ANKRD28: variants seen among roughly 807,000 people sequenced by gnomAD.
ANKRD28 encodes the protein ankyrin repeat domain 28, also known as serine/threonine-protein phosphatase 6 regulatory ankyrin repeat subunit A.
In ANKRD28, 44 loss-of-function variants were observed where a neutral mutation model predicts 126.5. The ratio of observed to expected loss-of-function variants is 0.35; its 90% CI spans 0.27 to 0.45. The LOEUF (loss-of-function observed/expected upper bound fraction) is 0.45. Ranked by LOEUF, ANKRD28 falls within the 20% of genes least tolerant of loss-of-function variation. The pLI is 1.00. For missense variants in ANKRD28, 1,110 were observed against 1,316.6 expected (o/e 0.84, Z 2.43); for synonymous variants, 442 against 468.5 (o/e 0.94, Z 0.73).
intron 4 of ANKRD28, among the ~76,000 whole-genome samples, chr3:15,740,843 T>C (rs780773312): frequency 1.3e-5 from 2 of 152,148 alleles, no homozygotes; most frequent in Non-Finnish European, 2.9e-5. Flanking sequence ...ATTAAGACAC[T>C]AGAGTATCAA....
At chr3:15,770,608 T>C (rs1020622942) in intron 2 of ANKRD28, among the ~76,000 whole-genome samples, 1 of 152,218 alleles carries the variant, frequency 6.6e-6, no homozygotes, top group Non-Finnish European at 1.5e-5. Flanking sequence ...CACTTTTGTC[T>C]CTGTTTCTTC....
intron 1 of ANKRD28, among the ~76,000 whole-genome samples, chr3:15,804,746 T>G (rs1222158779): frequency 6.9e-6 from 1 of 145,112 alleles, no homozygotes; most frequent in Non-Finnish European, 1.5e-5. Flanking sequence ...GTGTGGAGGT[T>G]GTTAAATAGT....
At chr3:15,848,765 A>G (rs1302626620) in intron 1 of ANKRD28, among the ~76,000 whole-genome samples, 1 of 152,170 alleles carries the variant, frequency 6.6e-6, no homozygotes, top group African/African-American at 2.4e-5. Flanking sequence ...TCTATGAAAA[A>G]CCAACAGCTA....
chr3:15,779,245 A>G (rs1362484274), intron 2 of ANKRD28, among the ~76,000 whole-genome samples: 9 of 152,224 alleles, frequency 5.9e-5, no homozygotes, highest in Non-Finnish European at 1.2e-4. Flanking sequence ...TGCAGGTACA[A>G]CTGATAATCT....
chr3:15,766,091 T>C (rs75689078), intron 3 of ANKRD28, 143 bp downstream of exon 3: 6,891 of 614,260 alleles, frequency 0.011, 48 homozygotes, highest in Non-Finnish European at 0.015. Context: ...TCAGTATTTA[T>C]GGAATGAATA....
At chr3:15,674,031 G>A (rs2066648227) in intron 27 of ANKRD28, among the ~76,000 whole-genome samples, 1 of 151,436 alleles carries the variant, frequency 6.6e-6, no homozygotes, top group African/African-American at 2.4e-5. Context: ...AATTAGCTAG[G>A]CCTGGTGATG....
At chr3:15,705,397 T>G (rs970131026) in intron 14 of ANKRD28, among the ~76,000 whole-genome samples, 18 of 152,128 alleles carry the variant, frequency 1.2e-4, no homozygotes, top group African/African-American at 1.7e-4. Flanking sequence ...AATCTTTTTT[T>G]GGGGGAAGGA....
In ANKRD28 at chr3:15,674,174, C is replaced by CAAAAAAAAAAA. The variant is rs34806568; in HGVS notation, c.2965+1713_2965+1723dup. 2.0e-3 allele frequency among the ~76,000 whole-genome samples: 81 copies of CAAAAAAAAAAA among 40,270 alleles called. 4 individuals are homozygous for CAAAAAAAAAAA. Among genetic ancestry groups the CAAAAAAAAAAA allele is most frequent in the South Asian group, 3.1e-3 (2 of 636 alleles). 26.4% of individuals were successfully genotyped at this position (40,270 alleles called of 152,430 possible). ...GCAACAGAGTGAGACCCTGCCTCTT[C>CAAAAAAAAAAA]AAAAAAAAAAAAAAAAAAAAAAAAG... is the stretch of plus-strand genomic sequence containing the variant. On this transcript the variant is annotated intron_variant, in intron 27 of 27. Coordinates refer to ENST00000683139, the MANE Select transcript of ANKRD28 (RefSeq NM_001349278.2).
At chr3:15,702,535 T>C (rs1047250175) in intron 14 of ANKRD28, among the ~76,000 whole-genome samples, 1 of 152,228 alleles carries the variant, frequency 6.6e-6, no homozygotes, top group African/African-American at 2.4e-5. Context: ...TTTTCCTCAA[T>C]GTTAGGCAAA....
chr3:15,767,013 A>T (rs938631857), intron 2 of ANKRD28, among the ~76,000 whole-genome samples: 4 of 152,194 alleles, frequency 2.6e-5, no homozygotes, highest in African/African-American at 9.6e-5. Flanking sequence ...ATTTCGGGGG[A>T]TTCGACATTA....
intron 26 of ANKRD28, chr3:15,676,244 A>G (rs2066922393): frequency 5.5e-6 from 2 of 366,278 alleles, no homozygotes; most frequent in African/African-American, 2.1e-5. Context: ...ACCTTCACCC[A>G]ATCCTTTTGT....
chr3:15,679,953 G>T (rs924667515), intron 21 of ANKRD28, among the ~76,000 whole-genome samples: 1 of 151,998 alleles, frequency 6.6e-6, no homozygotes, highest in Admixed American at 6.5e-5. Context: ...AAGTAATCCA[G>T]AGATGATTTA....
In ANKRD28 at chr3:15,830,436, G is replaced by A. The variant is rs377543387; in HGVS notation, c.27+28941C>T. Among the ~76,000 whole-genome samples, 2 of 152,092 alleles carry A rather than the reference G, an allele frequency of 1.3e-5. No individual in the cohort carries two copies. Among genetic ancestry groups the A allele is most frequent in the African/African-American group, 4.8e-5 (2 of 41,432 alleles). On this transcript the variant is annotated intron_variant, in intron 1 of 27. Coordinates refer to the ANKRD28 transcript ENST00000399451. The surrounding 1 kb of genome is among the most constrained non-coding windows in gnomAD (Gnocchi z 4.5). Reference sequence around the variant, plus strand: ...CAACTCTGACTCCTGTCAGAGTAGCGCAGCATTAGATTCTCATAGGACTGC... The same window carrying A: ...CAACTCTGACTCCTGTCAGAGTAGCACAGCATTAGATTCTCATAGGACTGC...
chr3:15,692,199 T>G (rs903769492), intron 17 of ANKRD28, among the ~76,000 whole-genome samples: 1 of 147,546 alleles, frequency 6.8e-6, no homozygotes, highest in Non-Finnish European at 1.5e-5. Context: ...CACCTATATC[T>G]CAGCACTTTG....
intron 2 of ANKRD28, among the ~76,000 whole-genome samples, chr3:15,769,675 G>A (rs150401293): frequency 8.3e-4 from 126 of 152,230 alleles, no homozygotes; most frequent in African/African-American, 2.8e-3. Context: ...ATTCTGACTA[G>A]TAGTTTACCA....
intron 1 of ANKRD28, among the ~76,000 whole-genome samples, chr3:15,825,867 C>T (rs1328749591): frequency 3.9e-5 from 6 of 151,956 alleles, no homozygotes; most frequent in East Asian, 1.9e-4. Flanking sequence ...TTTAGAAATC[C>T]AGGAAACACA....
intron 14 of ANKRD28, among the ~76,000 whole-genome samples, chr3:15,703,000 G>C (rs2070838812): frequency 1.3e-5 from 2 of 152,302 alleles, no homozygotes; most frequent in South Asian, 2.1e-4. Flanking sequence ...AATAGGCACA[G>C]AGAGGTTAAG....
At position 15,795,378 on chromosome 3, in the gene ANKRD28, C is replaced by A; in HGVS notation, c.118-72G>T. On this transcript the variant is annotated intron_variant, in intron 1 of 27. Coordinates refer to ENST00000683139, the MANE Select transcript of ANKRD28 (RefSeq NM_001349278.2). ...GTGACTAAGGATATTTTACATAGTT[C>A]TGGAATCTACAAGTTTTCTTCCCTG... 6 of 1,047,836 alleles carry A rather than the reference C, an allele frequency of 5.7e-6. No homozygotes were observed. The South Asian group carries it at 7.1e-5, about 12-fold the overall frequency. The allele number at this position is 1,047,836 out of a possible 1,614,324, so 64.9% of individuals were successfully genotyped here. A position where few individuals can be genotyped will look rare whatever the true frequency, so the allele number is the denominator to read the frequency against.
intron 14 of ANKRD28, among the ~76,000 whole-genome samples, chr3:15,701,132 C>G (rs1196609623): frequency 2.6e-5 from 4 of 152,162 alleles, no homozygotes; most frequent in African/African-American, 9.7e-5. Flanking sequence ...TGTAACTGAT[C>G]TTTCAGTAAC....
Sources: allele counts gnomAD v4.1 joint callset (sites outside exome capture counted in the v4.1 genomes callset), GRCh38; gene constraint gnomAD v4.1.1; non-coding constraint Gnocchi (gnomAD v3.1); transcripts MANE v1.5; gene names NCBI Gene and HGNC (gene_info 2026-07-23, HGNC 2026-07-21).